NUP98: variants seen among roughly 807,000 people sequenced by gnomAD.
The protein encoded by NUP98 is nuclear pore complex protein Nup98-Nup96.
NUP98 carries 26 observed loss-of-function variants against 191.9 expected under a neutral mutation model. The ratio of observed to expected loss-of-function variants is 0.14; its 90% CI spans 0.10 to 0.19. NUP98 has a LOEUF of 0.19. Ranked by LOEUF, NUP98 falls within the 10% of genes least tolerant of loss-of-function variation. NUP98 has a pLI of 1.00. For missense variants in NUP98, 1,941 were observed against 2,178.8 expected (o/e 0.89, Z 2.17); for synonymous variants, 808 against 778.4 (o/e 1.04, Z -0.63).
chr11:3,791,611 G>A (rs1341989133), intron 1 of NUP98, among the ~76,000 whole-genome samples: 2 of 150,152 alleles, frequency 1.3e-5, no homozygotes, highest in East Asian at 2.0e-4. Context: ...TCGGGAGACC[G>A]AGGCAGACAG....
At chr11:3,714,597 A>C (rs1045965624) in intron 18 of NUP98, among the ~76,000 whole-genome samples, 4 of 151,898 alleles carry the variant, frequency 2.6e-5, no homozygotes, top group Non-Finnish European at 5.9e-5. Context: ...GGCAAATACT[A>C]CTCTACTTTG....
intron 5 of NUP98, 68 bp from the exon 6 acceptor site, chr11:3,773,807 T>G (rs1037120318): frequency 1.1e-6 from 1 of 907,596 alleles, no homozygotes; most frequent in African/African-American, 1.6e-5. Flanking sequence ...AGATACAATT[T>G]CTCAACCACT....
chr11:3,791,020 C>CGG (rs2082319725), intron 1 of NUP98, among the ~76,000 whole-genome samples: 1 of 151,736 alleles, frequency 6.6e-6, no homozygotes, highest in Non-Finnish European at 1.5e-5. Flanking sequence ...GTCAGCCTTC[C>CGG]GAGTAACTGG....
intron 16 of NUP98, 78 bp from the exon 17 acceptor site, chr11:3,720,903 A>G (rs1301600364): frequency 9.1e-6 from 6 of 662,444 alleles, no homozygotes; most frequent in Non-Finnish European, 1.6e-5. Flanking sequence ...TATAAAGAGA[A>G]AATATATCAG....
chr11:3,712,062 A>G (rs1252172705), intron 20 of NUP98: 4 of 1,049,308 alleles, frequency 3.8e-6, no homozygotes, highest in Admixed American at 1.1e-4. Flanking sequence ...TATTTTTCAT[A>G]AAGATTATGT....
At chr11:3,741,600 G>A (rs1029715496) in intron 12 of NUP98, among the ~76,000 whole-genome samples, 4 of 151,994 alleles carry the variant, frequency 2.6e-5, no homozygotes, top group Admixed American at 2.0e-4. Flanking sequence ...CAGCTTGGGT[G>A]ACAGTGCGAA....
At chr11:3,677,072 G>A (rs1217702792) in intron 31 of NUP98, among the ~76,000 whole-genome samples, 4 of 152,152 alleles carry the variant, frequency 2.6e-5, no homozygotes. Flanking sequence ...AGCAAGACAG[G>A]TTATTTGCTC....
chr11:3,775,048 C>A (rs1047895257), intron 5 of NUP98, among the ~76,000 whole-genome samples: 11 of 152,196 alleles, frequency 7.2e-5, no homozygotes, highest in Non-Finnish European at 1.5e-5. Context: ...AAGTGGCATT[C>A]CACATGTTTC....
At chr11:3,793,282 G>A (rs996000291) in intron 1 of NUP98, among the ~76,000 whole-genome samples, 4 of 152,030 alleles carry the variant, frequency 2.6e-5, no homozygotes, top group Non-Finnish European at 4.4e-5. Flanking sequence ...TGCAAAGACT[G>A]GTACATTTAG....
rs745642165 is a variant in NUP98 at position 3,725,223 on chromosome 11, T to C, written c.1731-4A>G. The C allele has an allele frequency of 1.7e-5, 23 of 1,381,102 alleles. No homozygotes were observed. The Admixed American group carries it at 3.8e-4, about 23-fold the overall frequency. The allele number at this position is 1,381,102 out of a possible 1,614,324, so 85.6% of individuals were successfully genotyped here. ...AACCAACTTCTTAATGCTCTTCCTA[T>C]AAACAAGAAACCAAAAGAAGAAGAA... On this transcript the variant is annotated splice_region_variant and splice_polypyrimidine_tract_variant and intron_variant, in intron 14 of 32. Coordinates refer to ENST00000324932, the MANE Select transcript of NUP98 (RefSeq NM_016320.5).
At chr11:3,676,862 A>C (rs2077830314) in intron 31 of NUP98, among the ~76,000 whole-genome samples, 2 of 152,224 alleles carry the variant, frequency 1.3e-5, no homozygotes, top group African/African-American at 4.8e-5. Context: ...TGAGATCCCG[A>C]ACTATACAGC....
chr11:3,699,165 T>G lies in NUP98; in HGVS notation c.3926A>C (p.Gln1309Pro), dbSNP rs1206887048. ...PQIEEEVSLT[Q>P]KNSPVEAVFS... ...TACAGCCTCCACAGGGCTGTTTTTT[T>G]GGGTTAAGGAGACTTCCTCTTCAAT... The change falls in exon 25 of 33, where the codon CAA becomes CCA. Residue 1309 changes from glutamine to proline, a missense_variant. This residue lies in a region of NUP98 where 1,030 missense variants were observed against 1,115.8 expected (regional missense o/e 0.92). Coordinates refer to ENST00000324932, the MANE Select transcript of NUP98 (RefSeq NM_016320.5). 3.7e-6 allele frequency: 6 copies of G among 1,614,038 alleles called. No individual in the cohort carries two copies. Among genetic ancestry groups the G allele is most frequent in the Non-Finnish European group, 5.1e-6 (6 of 1,180,024 alleles).
intron 11 of NUP98, among the ~76,000 whole-genome samples, chr11:3,745,170 AATT>A (rs1490878475): frequency 1.3e-5 from 2 of 152,094 alleles, no homozygotes; most frequent in Non-Finnish European, 2.9e-5. Context: ...TTTAAAAATT[AATT>A]ATTCTTAAAA....
At chr11:3,680,699 C>T (rs1357070183) in intron 30 of NUP98, among the ~76,000 whole-genome samples, 2 of 152,076 alleles carry the variant, frequency 1.3e-5, no homozygotes, top group Non-Finnish European at 2.9e-5. Context: ...GTGTGTGCCA[C>T]CAGGCCCGAC....
chr11:3,796,496 G>A (rs555914507), intron 1 of NUP98, among the ~76,000 whole-genome samples: 121 of 152,172 alleles, frequency 8.0e-4, no homozygotes, highest in Non-Finnish European at 1.4e-3. Context: ...TAGTTCTCAA[G>A]CTCTAGGTTA....
At chr11:3,739,293 A>C (rs1420040692) in intron 12 of NUP98, among the ~76,000 whole-genome samples, 1 of 152,216 alleles carries the variant, frequency 6.6e-6, no homozygotes, top group Non-Finnish European at 1.5e-5. Flanking sequence ...TGTGTCACTC[A>C]GGCTGGAGCG....
rs1052565328 is a variant in NUP98, at chr11:3,782,699, T to C, written c.-28-554A>G. Among the ~76,000 whole-genome samples, 5 of 146,940 alleles carry C rather than the reference T, an allele frequency of 3.4e-5. No individual in the cohort carries two copies. In the South Asian group the frequency reaches 6.6e-4, roughly 19 times the overall value. ...CTGGGATTACAAGCGTGTGTCACCA[T>C]GCCTGTCTAATTATTTGTATTTTTA... On this transcript the variant is annotated intron_variant, in intron 1 of 32. Coordinates refer to ENST00000324932, the MANE Select transcript of NUP98 (RefSeq NM_016320.5).
intron 18 of NUP98, among the ~76,000 whole-genome samples, chr11:3,719,000 A>G (rs1239186046): frequency 1.3e-5 from 2 of 151,884 alleles, no homozygotes; most frequent in Non-Finnish European, 2.9e-5. Context: ...GGCGCCTACA[A>G]TCCCAGCTAC....
rs747769050 is a variant in NUP98, at chr11:3,693,344, T to C, written c.4199A>G (p.Asn1400Ser). Residue 1400 changes from asparagine (N) to serine (S), a missense_variant, in exon 27 of 33, where the codon AAC (asparagine) becomes AGC (serine). This residue lies in a region of NUP98 where 1,030 missense variants were observed against 1,115.8 expected (regional missense o/e 0.92). Coordinates refer to ENST00000324932, the MANE Select transcript of NUP98 (RefSeq NM_016320.5). The part of the protein sequence containing the change: ...VWQLSEKKQI[N>S]VCSQLDWKRS... ...TTTCCAATCCAACTGGGAGCACACG[T>C]TTATTTGCTTCTTTTCTGAGAGCTG... 1.2e-6 allele frequency: 2 copies of C among 1,614,148 alleles called. No individual in the cohort carries two copies. The highest frequency in any genetic ancestry group is 2.2e-5 in the South Asian group (2 of 91,076).
Sources: allele counts gnomAD v4.1 joint callset (sites outside exome capture counted in the v4.1 genomes callset), GRCh38; gene constraint gnomAD v4.1.1; regional missense constraint gnomAD v4.1.1; transcripts MANE v1.5; gene names NCBI Gene and HGNC (gene_info 2026-07-23, HGNC 2026-07-21).